The following SLC25A23 variants were observed in gnomAD, a reference collection of about 807,000 sequenced individuals.
The protein encoded by SLC25A23 is solute carrier family 25 member 23, also known as mitochondrial adenyl nucleotide antiporter SLC25A23.
In SLC25A23, 32 loss-of-function variants were observed where a neutral mutation model predicts 53.9. The ratio of observed to expected loss-of-function variants is 0.59; its 90% CI spans 0.45 to 0.80. The LOEUF is 0.80. Ranked by LOEUF, SLC25A23 falls within the 30% of genes least tolerant of loss-of-function variation. The pLI, the probability that SLC25A23 is intolerant of heterozygous loss-of-function variation, is 0.00. For missense variants in SLC25A23, 575 were observed against 651.4 expected (o/e 0.88, Z 1.28); for synonymous variants, 275 against 264.5 (o/e 1.04, Z -0.38).
chr19:6,442,977 T>G (rs2144792660), intron 9 of SLC25A23, among the ~76,000 whole-genome samples: 1 of 149,294 alleles, frequency 6.7e-6, no homozygotes, highest in East Asian at 2.0e-4. Context: ...TCACTCCTGT[T>G]GCCCAGGCTG....
intron 9 of SLC25A23, chr19:6,443,646 C>T (rs1297029550): frequency 1.4e-6 from 1 of 698,614 alleles, no homozygotes; most frequent in Admixed American, 2.1e-5. Context: ...CCGTCTTGTA[C>T]ACTGACACAT....
At chr19:6,458,475 A>G (rs1435540765) in intron 1 of SLC25A23, 151 bp from the exon 2 acceptor site, 9 of 862,704 alleles carry the variant, frequency 1.0e-5, no homozygotes, top group Non-Finnish European at 1.6e-5. Context: ...TCAGTCAGCT[A>G]ACTTCTCAGC....
intron 4 of SLC25A23, among the ~76,000 whole-genome samples, chr19:6,455,378 A>G: frequency 6.6e-6 from 1 of 151,982 alleles, no homozygotes; most frequent in East Asian, 1.9e-4. Context: ...GCCATACAAG[A>G]TCTTACCAGG....
downstream of SLC25A23, among the ~76,000 whole-genome samples, chr19:6,439,141 G>A (rs1481648592): frequency 6.6e-6 from 1 of 151,786 alleles, no homozygotes; most frequent in African/African-American, 2.4e-5. Context: ...GATCACTTGA[G>A]CCCAGGAGGT....
downstream of SLC25A23, among the ~76,000 whole-genome samples, chr19:6,439,436 G>C (rs969242674): frequency 5.3e-3 from 651 of 122,752 alleles, 15 homozygotes; most frequent in Admixed American, 0.038. Flanking sequence ...CACACACACA[G>C]ACACACAAAT....
downstream of SLC25A23, among the ~76,000 whole-genome samples, chr19:6,437,142 G>C: frequency 6.6e-6 from 1 of 152,044 alleles, no homozygotes; most frequent in East Asian, 1.9e-4. Context: ...TGAGCAGCTG[G>C]AACTACAGGT....
In SLC25A23 at chr19:6,459,620, C is replaced by A; in HGVS notation, c.9G>T (p.Gly3=). ...GCCGCCGCTCCGCGTCGCCCGGGCTCCCCCGCATGGCGCCCGCCCGGGGGG... is the reference window on the plus strand; with the variant it reads ...GCCGCCGCTCCGCGTCGCCCGGGCTACCCCGCATGGCGCCCGCCCGGGGGG... MR[G]SPGDAERRQR... is the part of the protein sequence containing the mutation. Residue 3 remains glycine (G), a synonymous_variant, in exon 1 of 10, where the codon GGG becomes GGT. Transcript: ENST00000301454. This position sits in a 1 kb window ranked among gnomAD's most constrained non-coding sequence, Gnocchi z 4.6. 1 of 1,508,070 alleles carries A rather than the reference C, an allele frequency of 6.6e-7. No individual in the cohort carries two copies. Among genetic ancestry groups the A allele is most frequent in the Non-Finnish European group, 8.8e-7 (1 of 1,133,962 alleles). 93.4% of individuals were successfully genotyped at this position (1,508,070 alleles called of 1,614,324 possible). A position where few individuals can be genotyped will look rare whatever the true frequency, so the allele number is the denominator to read the frequency against.
chr19:6,439,476 T>TGG (rs937309781), downstream of SLC25A23, among the ~76,000 whole-genome samples: 3 of 151,304 alleles, frequency 2.0e-5, no homozygotes, highest in Admixed American at 2.0e-4. Flanking sequence ...TGTGATAATT[T>TGG]GGTCTGGCAG....
chr19:6,444,319 G>A lies in SLC25A23; in HGVS notation c.1072-18C>T, dbSNP rs771420955. 6 of 876,972 alleles carry A rather than the reference G, an allele frequency of 6.8e-6. No individual in the cohort carries two copies. Among genetic ancestry groups the A allele is most frequent in the Non-Finnish European group, 5.4e-6 (3 of 559,742 alleles). The allele number at this position is 876,972 out of a possible 1,614,324, so 54.3% of individuals were successfully genotyped here. The stretch of plus-strand genomic sequence containing the variant: ...TTCAGAGTCTGGAGTGGAGAAGGGA[G>A]TAGGGAGGGTTGGGGTGGGTGACCC... On this transcript the variant is annotated intron_variant, in intron 8 of 9. Coordinates refer to ENST00000301454, the MANE Select transcript of SLC25A23 (RefSeq NM_024103.3).
At chr19:6,456,964 C>T (rs1258873447) in intron 3 of SLC25A23, among the ~76,000 whole-genome samples, 2 of 152,092 alleles carry the variant, frequency 1.3e-5, no homozygotes, top group African/African-American at 4.8e-5. Context: ...AGGCGTGAGC[C>T]ACCATAGCCA....
downstream of SLC25A23, among the ~76,000 whole-genome samples, chr19:6,436,799 C>T (rs907961986): frequency 4.0e-5 from 6 of 150,902 alleles, no homozygotes; most frequent in South Asian, 2.1e-4. Context: ...TCACCCGCCT[C>T]GGCCTCCCAA....
chr19:6,442,017 G>C lies in SLC25A23; in HGVS notation c.1365C>G (p.Val455=). The C allele has an allele frequency of 6.2e-7, 1 of 1,613,942 alleles. No homozygotes were observed. The highest frequency in any genetic ancestry group is 8.5e-7 in the Non-Finnish European group (1 of 1,179,906). Residue 455 remains valine, a synonymous_variant, in exon 10 of 10, where the codon GTC becomes GTG. Transcript: ENST00000301454. ...CCAAGGCCTGCTTCATGTTCTCGTA[G>C]ACCACATAGGAGATGCTCACAGCTG... is the stretch of plus-strand genomic sequence containing the variant. ...VIPAVSISYV[V]YENMKQALGV...
intron 4 of SLC25A23, chr19:6,456,068 A>G (rs1259603899): frequency 5.2e-6 from 7 of 1,347,092 alleles, no homozygotes; most frequent in African/African-American, 1.5e-5. Context: ...TCTTTTATCC[A>G]GGCAGAGAAC....
Position 6,444,265 on chromosome 19 carries a change from C to T in SLC25A23, c.1108G>A (p.Asp370Asn), listed in dbSNP as rs374760946. 3.7e-5 allele frequency: 53 copies of T among 1,445,188 alleles called. No homozygotes were observed. The highest frequency in any genetic ancestry group is 5.6e-5 in the Admixed American group (3 of 53,642). The allele number at this position is 1,445,188 out of a possible 1,614,324, so 89.5% of individuals were successfully genotyped here. A position where few individuals can be genotyped will look rare whatever the true frequency, so the allele number is the denominator to read the frequency against. ...KNWWLQQYSH[D>N]SADPGILVLL... is the part of the protein sequence containing the mutation. ...ACGAGGATGCCTGGGTCTGCCGAGTCGTGGCTGTACTGCTGAAGCCACCAG... is the reference window on the plus strand; with the variant it reads ...ACGAGGATGCCTGGGTCTGCCGAGTTGTGGCTGTACTGCTGAAGCCACCAG... Residue 370 changes from aspartate to asparagine, a missense_variant, in exon 9 of 10, where the codon GAC becomes AAC. Physicochemically the swap from Asp to Asn is conservative, Grantham distance 23. Transcript: ENST00000301454.
At chr19:6,456,136 G>A in intron 4 of SLC25A23, 1 of 1,425,884 alleles carries the variant, frequency 7.0e-7, no homozygotes, top group Non-Finnish European at 9.3e-7. Flanking sequence ...CATCTGGTGA[G>A]CTCTTTCTTC....
rs1461069934 is a variant in SLC25A23, at chr19:6,454,770, G to A, written c.484-53C>T. ...TGCCATGGTGGGGACAGGGAGATGT[G>A]ACTCAGTCCTAAATAGGGGAGTCTC... On this transcript the variant is annotated intron_variant, in intron 4 of 9. Transcript: ENST00000301454. The surrounding 1 kb of genome is among the most constrained non-coding windows in gnomAD (Gnocchi z 4.3). The A allele has an allele frequency of 6.3e-7, 1 of 1,597,228 alleles. No individual in the cohort carries two copies. Among genetic ancestry groups the A allele is most frequent in the Non-Finnish European group, 8.5e-7 (1 of 1,170,110 alleles).
chr19:6,453,520 G>A lies in SLC25A23; in HGVS notation c.903+461C>T, dbSNP rs768947307. Among the ~76,000 whole-genome samples, 48 of 152,220 alleles carry A rather than the reference G, an allele frequency of 3.2e-4. 1 individual carries two copies. The highest frequency in any genetic ancestry group is 3.4e-3 in the Middle Eastern group (1 of 294). ...CTCCCAAAGTGCTGGGATTACAGGC[G>A]CTAGACATCGCACCCAGCTGACATG... is the stretch of plus-strand genomic sequence containing the variant. On this transcript the variant is annotated intron_variant, in intron 7 of 9. Coordinates refer to ENST00000301454, the MANE Select transcript of SLC25A23 (RefSeq NM_024103.3).
chr19:6,455,470 G>A (rs539796165), intron 4 of SLC25A23, among the ~76,000 whole-genome samples: 14 of 151,946 alleles, frequency 9.2e-5, no homozygotes, highest in East Asian at 1.9e-4. Flanking sequence ...TGGAGTCCCC[G>A]TGCAGGAATC....
chr19:6,445,396 ACC>A (rs1477693866), intron 8 of SLC25A23, among the ~76,000 whole-genome samples: 2 of 152,228 alleles, frequency 1.3e-5, no homozygotes, highest in Non-Finnish European at 1.5e-5. Context: ...AGCATGAGTC[ACC>A]ATGCCCGGCA....
Sources: allele counts gnomAD v4.1 joint callset (sites outside exome capture counted in the v4.1 genomes callset), GRCh38; gene constraint gnomAD v4.1.1; non-coding constraint Gnocchi (gnomAD v3.1); transcripts MANE v1.5; gene names NCBI Gene and HGNC (gene_info 2026-07-23, HGNC 2026-07-21).